The following FLRT2 variants were observed in gnomAD, a reference collection of about 807,000 sequenced individuals.
FLRT2 encodes fibronectin leucine rich transmembrane protein 2.
FLRT2 carries 15 observed loss-of-function variants against 40.0 expected under a neutral mutation model. The ratio of observed to expected loss-of-function variants is 0.38; its 90% CI spans 0.25 to 0.58. The LOEUF is 0.58. Among genes scored for constraint, FLRT2 ranks in the 20% least tolerant of loss-of-function variants. The pLI is 0.71. For synonymous variants in FLRT2, 380 were observed against 336.8 expected, an observed-to-expected ratio of 1.13 and a Z score of -1.41; for missense variants, 726 against 840.0, an observed-to-expected ratio of 0.86 and a Z score of 1.68.
At chr14:85,541,567 CT>C (rs2139810531) in intron 1 of FLRT2, among the ~76,000 whole-genome samples, 1 of 152,236 alleles carries the variant, frequency 6.6e-6, no homozygotes, top group Non-Finnish European at 1.5e-5. Flanking sequence ...CTTTCTACTC[CT>C]AGAGCTATTA....
chr14:85,650,939 T>G lies in FLRT2; in HGVS notation c.*27442T>G, dbSNP rs1894417575. 1 of 152,048 alleles carries G rather than the reference T, an allele frequency of 6.6e-6. No homozygotes were observed. The highest frequency in any genetic ancestry group is 1.5e-5 in the Non-Finnish European group (1 of 67,998). The allele number at this position is 152,048 out of a possible 1,614,324, so 9.4% of individuals were successfully genotyped here. On this transcript the variant is annotated 3_prime_UTR_variant, in exon 2 of 2. Coordinates refer to ENST00000330753, the MANE Select transcript of FLRT2 (RefSeq NM_013231.6). ...TTAGCTTACTGTAGACTCCAACTCC[T>G]GGGCTCAAGAGATACTCTCCTGCCT...
chr14:85,548,528 A>G (rs1041077301), intron 1 of FLRT2, among the ~76,000 whole-genome samples: 1 of 152,240 alleles, frequency 6.6e-6, no homozygotes, highest in African/African-American at 2.4e-5. Flanking sequence ...TATTAAGCTG[A>G]GGCTTGATAG....
intron 1 of FLRT2, among the ~76,000 whole-genome samples, chr14:85,602,488 C>T (rs1343649023): frequency 3.3e-5 from 5 of 152,196 alleles, no homozygotes; most frequent in East Asian, 1.9e-4. Flanking sequence ...GGATTGATTA[C>T]GTTATGTGCT....
At chr14:85,539,150 A>T (rs560267570) in intron 1 of FLRT2, among the ~76,000 whole-genome samples, 1 of 151,946 alleles carries the variant, frequency 6.6e-6, no homozygotes, top group East Asian at 1.9e-4. Flanking sequence ...CAGTTCTCAC[A>T]TCCAGGATTT....
chr14:85,551,171 T>G (rs2139825382), intron 1 of FLRT2, among the ~76,000 whole-genome samples: 1 of 152,336 alleles, frequency 6.6e-6, no homozygotes, highest in South Asian at 2.1e-4. Context: ...TTCCACCTGT[T>G]TACCAGAACT....
intron 1 of FLRT2, among the ~76,000 whole-genome samples, chr14:85,593,568 G>A (rs1047075187): frequency 6.6e-6 from 1 of 151,996 alleles, no homozygotes; most frequent in Non-Finnish European, 1.5e-5. Flanking sequence ...GGTATTGTTG[G>A]GTATTTAAAG....
At chr14:85,570,499 G>C (rs1397136403) in intron 1 of FLRT2, among the ~76,000 whole-genome samples, 3 of 151,830 alleles carry the variant, frequency 2.0e-5, no homozygotes, top group Non-Finnish European at 4.4e-5. Context: ...AGAGTGAAGT[G>C]CATAGTTTTA....
At position 85,652,309 on chromosome 14, in the gene FLRT2, T is replaced by C. The variant is rs1894451748; in HGVS notation, c.*28812T>C. On this transcript the variant is annotated 3_prime_UTR_variant, in exon 2 of 2. Coordinates refer to ENST00000330753, the MANE Select transcript of FLRT2 (RefSeq NM_013231.6). ...CTCTGATATGCAGTAATATTTATAT[T>C]GAGAAGCAACTTTTTTAATTGTTTG... The C allele has an allele frequency of 6.6e-6, 1 of 152,140 alleles. No individual in the cohort carries two copies. The highest frequency in any genetic ancestry group is 6.5e-5 in the Admixed American group (1 of 15,268). The allele number at this position is 152,140 out of a possible 1,614,324, so 9.4% of individuals were successfully genotyped here.
intron 1 of FLRT2, chr14:85,551,630 A>T (rs139900751): frequency 6.6e-6 from 1 of 152,298 alleles, no homozygotes; most frequent in Non-Finnish European, 1.5e-5. Flanking sequence ...GGATGGACAC[A>T]TGGAAAGGAT....
intron 1 of FLRT2, among the ~76,000 whole-genome samples, chr14:85,557,109 A>T (rs1006537041): frequency 1.3e-5 from 2 of 152,084 alleles, no homozygotes; most frequent in African/African-American, 2.4e-5. Flanking sequence ...CCCACAACAC[A>T]TGGGAATTAT....
chr14:85,615,369 C>A lies in FLRT2; in HGVS notation c.-376-5770C>A, dbSNP rs147229854. Among the ~76,000 whole-genome samples the A allele has an allele frequency of 1.7e-3, 260 of 152,302 alleles. 2 individuals are homozygous for A. Among genetic ancestry groups the A allele is most frequent in the African/African-American group, 5.9e-3 (247 of 41,570 alleles). Reference sequence around the variant, plus strand: ...AATGTATTAGAATATTTTGTGTTTGCCAAGAGCATAGCTTTTCCTTTTTGG... The same window carrying A: ...AATGTATTAGAATATTTTGTGTTTGACAAGAGCATAGCTTTTCCTTTTTGG... On this transcript the variant is annotated intron_variant, in intron 1 of 1. Coordinates refer to ENST00000330753, the MANE Select transcript of FLRT2 (RefSeq NM_013231.6).
rs1893684524 is a variant in FLRT2 at position 85,626,397 on chromosome 14, C to T, written c.*2900C>T. 6.0e-6 allele frequency: 1 copy of T among 167,066 alleles called. No individual in the cohort carries two copies. 10.3% of individuals were successfully genotyped at this position (167,066 alleles called of 1,614,324 possible). ...AGACCATGGGAAAAAAAGCCATGCT[C>T]ACTGGCCAATAAAGAGCTTGATGCT... On this transcript the variant is annotated 3_prime_UTR_variant, in exon 2 of 2. Coordinates refer to ENST00000330753, the MANE Select transcript of FLRT2 (RefSeq NM_013231.6).
chr14:85,566,281 G>A (rs953200209), intron 1 of FLRT2, among the ~76,000 whole-genome samples: 2 of 152,108 alleles, frequency 1.3e-5, no homozygotes, highest in South Asian at 4.1e-4. Flanking sequence ...AGCCACACAT[G>A]CGTGGGTCAG....
At position 85,639,026 on chromosome 14, in the gene FLRT2, C is replaced by T. The variant is rs1894080434; in HGVS notation, c.*15529C>T. 2 of 152,142 alleles carry T rather than the reference C, an allele frequency of 1.3e-5. No individual in the cohort carries two copies. The highest frequency in any genetic ancestry group is 2.1e-4 in the South Asian group (1 of 4,828). The allele number at this position is 152,142 out of a possible 1,614,324, so 9.4% of individuals were successfully genotyped here. On this transcript the variant is annotated 3_prime_UTR_variant, in exon 2 of 2. Coordinates refer to ENST00000330753, the MANE Select transcript of FLRT2 (RefSeq NM_013231.6). ...ATGTCCAAGAAAATGACAATCAAAA[C>T]GATTAGTGCATTAGGATAAGTGTCG...
intron 1 of FLRT2, among the ~76,000 whole-genome samples, chr14:85,568,604 T>TTG (rs1890742074): frequency 1.3e-5 from 2 of 151,922 alleles, no homozygotes; most frequent in Non-Finnish European, 1.5e-5. Flanking sequence ...TTCCTGCTTT[T>TTG]TTGTTGTTGT....
At chr14:85,607,880 TG>T (rs1457783316) in intron 1 of FLRT2, among the ~76,000 whole-genome samples, 1 of 152,208 alleles carries the variant, frequency 6.6e-6, no homozygotes, top group Non-Finnish European at 1.5e-5. Flanking sequence ...CTCACAATTC[TG>T]GTGGCTAGGA....
At chr14:85,606,151 G>A (rs1323640262) in intron 1 of FLRT2, among the ~76,000 whole-genome samples, 1 of 152,108 alleles carries the variant, frequency 6.6e-6, no homozygotes, top group African/African-American at 2.4e-5. Flanking sequence ...GGTATAAGTG[G>A]CATCACATAC....
intron 1 of FLRT2, among the ~76,000 whole-genome samples, chr14:85,592,704 G>A (rs188745759): frequency 1.1e-3 from 166 of 147,458 alleles, no homozygotes; most frequent in African/African-American, 3.2e-3. Context: ...CAGGAGAATC[G>A]CCTGAACCCA....
chr14:85,606,983 T>G (rs1423791753), intron 1 of FLRT2, among the ~76,000 whole-genome samples: 1 of 151,444 alleles, frequency 6.6e-6, no homozygotes, highest in Non-Finnish European at 1.5e-5. Flanking sequence ...GACATTTTAA[T>G]ACTACAGATC....
Sources: allele counts gnomAD v4.1 joint callset (sites outside exome capture counted in the v4.1 genomes callset), GRCh38; gene constraint gnomAD v4.1.1; transcripts MANE v1.5; gene names NCBI Gene and HGNC (gene_info 2026-07-23, HGNC 2026-07-21).